The following MEF2A variants were observed in gnomAD, a reference collection of about 807,000 sequenced individuals.
The protein encoded by MEF2A is myocyte-specific enhancer factor 2A.
In MEF2A, 28 loss-of-function variants were observed where a neutral mutation model predicts 55.8. The observed-to-expected ratio is 0.50, with a 90% CI of 0.37 to 0.69. The LOEUF (loss-of-function observed/expected upper bound fraction) is 0.69, where lower values mean the gene tolerates loss of function less well. Among genes scored for constraint, MEF2A ranks in the 30% least tolerant of loss-of-function variants. The probability of loss-of-function intolerance (pLI) is 0.00; values close to 1 mark genes in which losing one functional copy is unlikely to be tolerated. For synonymous variants in MEF2A, 239 were observed against 227.1 expected (o/e 1.05, Z -0.47); for missense variants, 528 against 626.2 (o/e 0.84, Z 1.67).
chr15:99,639,703 A>G (rs894200272), intron 3 of MEF2A, among the ~76,000 whole-genome samples: 3 of 152,070 alleles, frequency 2.0e-5, no homozygotes, highest in African/African-American at 7.2e-5. Context: ...GATAATTCCT[A>G]TTTGCCCATA....
Position 99,633,193 on chromosome 15 carries a change from T to C in MEF2A, c.54+20T>C. 6.7e-7 allele frequency: 1 copy of C among 1,494,258 alleles called. No individual in the cohort carries two copies. Among genetic ancestry groups the C allele is most frequent in the Admixed American group, 2.1e-5 (1 of 47,146 alleles). The allele number at this position is 1,494,258 out of a possible 1,614,324, so 92.6% of individuals were successfully genotyped here. A position where few individuals can be genotyped will look rare whatever the true frequency, so the allele number is the denominator to read the frequency against. ...CGACAGGTAAATGAAAATTTTAATT[T>C]ATTTAATTGATATGAATATTCTTTT... is the stretch of plus-strand genomic sequence containing the variant. On this transcript the variant is annotated intron_variant, in intron 3 of 11. Coordinates refer to ENST00000557942, the MANE Select transcript of MEF2A (RefSeq NM_001319206.4).
At position 99,630,637 on chromosome 15, in the gene MEF2A, A is replaced by G. The variant is rs1028213996; in HGVS notation, c.-142-2341A>G. On this transcript the variant is annotated intron_variant, in intron 2 of 11. Coordinates refer to ENST00000557942, the MANE Select transcript of MEF2A (RefSeq NM_001319206.4). ...GAAACGTGAAAAAATGTGAATTTCT[A>G]GATGATGTTATCTTTCTGCTGAGAA... Among the ~76,000 whole-genome samples, 11 of 152,330 alleles carry G rather than the reference A, an allele frequency of 7.2e-5. No homozygotes were observed. In the South Asian group the frequency reaches 1.0e-3, roughly 14 times the overall value.
At chr15:99,570,729 C>T (rs894079691) in intron 1 of MEF2A, among the ~76,000 whole-genome samples, 1 of 151,920 alleles carries the variant, frequency 6.6e-6, no homozygotes, top group East Asian at 1.9e-4. Flanking sequence ...CTCTCGTCCT[C>T]ATCCTTAGCT....
At chr15:99,616,482 A>G (rs555873455) in intron 2 of MEF2A, among the ~76,000 whole-genome samples, 67 of 152,292 alleles carry the variant, frequency 4.4e-4, no homozygotes, top group African/African-American at 1.5e-3. Flanking sequence ...ATTATAATGC[A>G]TCTTAAATAT....
intron 8 of MEF2A, among the ~76,000 whole-genome samples, chr15:99,699,976 G>T (rs2153776642): frequency 1.0e-5 from 1 of 99,988 alleles, no homozygotes; most frequent in South Asian, 4.8e-4. Context: ...GTGTGTGTGT[G>T]TGTGTGTGTA....
intron 2 of MEF2A, among the ~76,000 whole-genome samples, chr15:99,630,243 C>T (rs1429395359): frequency 1.3e-5 from 2 of 151,912 alleles, no homozygotes; most frequent in Non-Finnish European, 2.9e-5. Context: ...ACTTTGTATC[C>T]GTTTTCCATG....
intron 4 of MEF2A, among the ~76,000 whole-genome samples, chr15:99,654,653 G>A (rs1041225297): frequency 1.3e-5 from 2 of 152,026 alleles, no homozygotes; most frequent in African/African-American, 4.8e-5. Context: ...TGTTCAAGCG[G>A]GCTCCAGGTC....
rs898326462 is a variant in MEF2A at position 99,690,136 on chromosome 15, G to C, written c.671-105G>C. On this transcript the variant is annotated intron_variant, in intron 7 of 11. Coordinates refer to ENST00000557942, the MANE Select transcript of MEF2A (RefSeq NM_001319206.4). ...GATACTCAAACCTGTAGTGAGTTTT[G>C]TTATAAAATTTATTTGCAACTCAGA... 2.8e-6 allele frequency: 3 copies of C among 1,076,010 alleles called. No homozygotes were observed. The African/African-American group carries it at 4.7e-5, about 17-fold the overall frequency. 66.7% of individuals were successfully genotyped at this position (1,076,010 alleles called of 1,614,324 possible). A position where few individuals can be genotyped will look rare whatever the true frequency, so the allele number is the denominator to read the frequency against.
chr15:99,608,872 G>T (rs953764911), intron 2 of MEF2A, among the ~76,000 whole-genome samples: 2 of 152,064 alleles, frequency 1.3e-5, no homozygotes, highest in African/African-American at 4.8e-5. Context: ...TTGGACTCCA[G>T]CCTGGGTAAT....
rs781490399 is a variant in MEF2A, at chr15:99,712,536, A to AGCAGCAGCC, written c.1285_1286insAGCAGCCGC (p.Gln428_Pro429insGlnGlnPro). 11 of 1,380,092 alleles carry AGCAGCAGCC rather than the reference A, an allele frequency of 8.0e-6. No individual in the cohort carries two copies. In the African/African-American group the frequency reaches 1.0e-4, roughly 13 times the overall value. 85.5% of individuals were successfully genotyped at this position (1,380,092 alleles called of 1,614,324 possible). ...CAGCAGCAGCAGCAGCAGCAGCAGCAGCCGCCGCCACCACCGCAGCCCCAG... is the reference window on the plus strand; with the variant it reads ...CAGCAGCAGCAGCAGCAGCAGCAGCAGCAGCAGCCGCCGCCGCCACCACCGCAGCCCCAG... On this transcript the variant is annotated inframe_insertion, in exon 12 of 12. Transcript: ENST00000557942. This position sits in a 1 kb window ranked among gnomAD's most constrained non-coding sequence, Gnocchi z 4.1.
At chr15:99,677,337 C>T (rs2052327525) in intron 7 of MEF2A, among the ~76,000 whole-genome samples, 1 of 151,702 alleles carries the variant, frequency 6.6e-6, no homozygotes, top group Admixed American at 6.6e-5. Flanking sequence ...TTACTGTGTT[C>T]AAGGGTATTT....
At position 99,687,163 on chromosome 15, in the gene MEF2A, C is replaced by T. The variant is rs538171352; in HGVS notation, c.671-3078C>T. Among the ~76,000 whole-genome samples the T allele has an allele frequency of 1.2e-4, 16 of 133,666 alleles. No homozygotes were observed. In the East Asian group the frequency reaches 2.2e-3, roughly 18 times the overall value. 87.7% of individuals were successfully genotyped at this position (133,666 alleles called of 152,430 possible). A position where few individuals can be genotyped will look rare whatever the true frequency, so the allele number is the denominator to read the frequency against. ...AGGCTGGTTTTGAACTGGGCTCAAGCGATCTGCCCACCTCAGCCTCCCAAA... is the reference window on the plus strand; with the variant it reads ...AGGCTGGTTTTGAACTGGGCTCAAGTGATCTGCCCACCTCAGCCTCCCAAA... On this transcript the variant is annotated intron_variant, in intron 7 of 11. Coordinates refer to ENST00000557942, the MANE Select transcript of MEF2A (RefSeq NM_001319206.4).
chr15:99,665,101 T>C (rs948441729), intron 4 of MEF2A, among the ~76,000 whole-genome samples: 1 of 152,238 alleles, frequency 6.6e-6, no homozygotes, highest in African/African-American at 2.4e-5. Flanking sequence ...TTGCAGCTAC[T>C]ACAAGTTTTC....
chr15:99,618,747 A>G (rs1295788543), intron 2 of MEF2A, among the ~76,000 whole-genome samples: 1 of 152,194 alleles, frequency 6.6e-6, no homozygotes, highest in Non-Finnish European at 1.5e-5. Flanking sequence ...AAATGTTAAA[A>G]ATTGATGAAT....
At chr15:99,641,440 T>C (rs1018603269) in intron 3 of MEF2A, among the ~76,000 whole-genome samples, 4 of 152,000 alleles carry the variant, frequency 2.6e-5, no homozygotes, top group African/African-American at 7.3e-5. Flanking sequence ...ATTTGTCTTC[T>C]CGGCCGGGCG....
chr15:99,614,789 C>T (rs979661850), intron 2 of MEF2A, among the ~76,000 whole-genome samples: 1 of 152,002 alleles, frequency 6.6e-6, no homozygotes, highest in Non-Finnish European at 1.5e-5. Context: ...TGAGAGAGAG[C>T]AAGGTGGTAG....
At chr15:99,675,502 T>TATG (rs2051802588) in intron 7 of MEF2A, 44 bp downstream of exon 7, 1 of 1,505,880 alleles carries the variant, frequency 6.6e-7, no homozygotes, top group African/African-American at 1.4e-5. Context: ...ATCTATCCTA[T>TATG]ATGAGATCAA....
At chr15:99,707,396 G>A (rs2058154066) in intron 10 of MEF2A, among the ~76,000 whole-genome samples, 1 of 152,102 alleles carries the variant, frequency 6.6e-6, no homozygotes, top group East Asian at 1.9e-4. Flanking sequence ...CAAAACAAGG[G>A]CTGTTCTGAT....
At chr15:99,657,941 C>T (rs1267409922) in intron 4 of MEF2A, among the ~76,000 whole-genome samples, 1 of 152,120 alleles carries the variant, frequency 6.6e-6, no homozygotes, top group East Asian at 1.9e-4. Context: ...AACTAGTGCC[C>T]TGTTAACTGG....
Sources: allele counts gnomAD v4.1 joint callset (sites outside exome capture counted in the v4.1 genomes callset), GRCh38; gene constraint gnomAD v4.1.1; non-coding constraint Gnocchi (gnomAD v3.1); transcripts MANE v1.5; gene names NCBI Gene and HGNC (gene_info 2026-07-23, HGNC 2026-07-21).